The following NREP variants were observed in gnomAD, a reference collection of about 807,000 sequenced individuals.
NREP encodes the protein neuronal regeneration-related protein.
A neutral mutation model predicts 8.6 loss-of-function variants in NREP; 5 were observed. The ratio of observed to expected loss-of-function variants is 0.58; its 90% CI spans 0.30 to 1.22. The LOEUF (loss-of-function observed/expected upper bound fraction) is 1.22, where lower values mean the gene tolerates loss of function less well. Ranked by LOEUF, NREP falls within the 50% of genes most tolerant of loss-of-function variation. NREP has a pLI of 0.07. For synonymous variants in NREP, 27 were observed against 28.0 expected (o/e 0.96, Z 0.11); for missense variants, 86 against 82.5 (o/e 1.04, Z -0.17).
At chr5:111,964,694 G>T (rs75291256) in intron 2 of NREP, among the ~76,000 whole-genome samples, 2,286 of 151,746 alleles carry the variant, frequency 0.015, 64 homozygotes, top group African/African-American at 0.052. Flanking sequence ...TAGACAACTG[G>T]CTGTGTCCAG....
chr5:111,904,621 C>A (rs891075895), intron 2 of NREP, among the ~76,000 whole-genome samples: 13 of 151,946 alleles, frequency 8.6e-5, no homozygotes, highest in African/African-American at 7.3e-5. Context: ...AATCATATTC[C>A]ATTGTATGTG....
At chr5:111,915,465 G>A (rs952526751) in intron 2 of NREP, among the ~76,000 whole-genome samples, 1 of 151,918 alleles carries the variant, frequency 6.6e-6, no homozygotes, top group Non-Finnish European at 1.5e-5. Context: ...TACTACAAGA[G>A]GCAATGACAG....
chr5:111,962,857 C>T (rs116794784), intron 2 of NREP, among the ~76,000 whole-genome samples: 1,972 of 152,298 alleles, frequency 0.013, 22 homozygotes, highest in Non-Finnish European at 0.019. Context: ...GGAAGGTTAT[C>T]TGCCTGTCTC....
chr5:111,845,655 A>G (rs1359045511), intron 2 of NREP, among the ~76,000 whole-genome samples: 1 of 152,170 alleles, frequency 6.6e-6, no homozygotes, highest in Non-Finnish European at 1.5e-5. Context: ...AAGTACTAAT[A>G]TATTTAAATG....
At chr5:111,738,823 A>G (rs556945618) in intron 2 of NREP, 7 of 152,360 alleles carry the variant, frequency 4.6e-5, no homozygotes, top group African/African-American at 1.7e-4. Flanking sequence ...AGAGGCAATT[A>G]AGTTAAAATA....
At chr5:111,769,789 G>A (rs777315889) in intron 2 of NREP, among the ~76,000 whole-genome samples, 2 of 152,150 alleles carry the variant, frequency 1.3e-5, no homozygotes, top group African/African-American at 4.8e-5. Flanking sequence ...CAGATCTTGA[G>A]AGAACTCACT....
chr5:111,921,848 C>T (rs1423697834), intron 2 of NREP, among the ~76,000 whole-genome samples: 1 of 152,112 alleles, frequency 6.6e-6, no homozygotes, highest in East Asian at 1.9e-4. Flanking sequence ...ATTCTCATGA[C>T]AGTGAATAAG....
intron 2 of NREP, among the ~76,000 whole-genome samples, chr5:111,961,362 C>A (rs1756476257): frequency 6.6e-6 from 1 of 152,210 alleles, no homozygotes; most frequent in Non-Finnish European, 1.5e-5. Context: ...ATGCAGTATT[C>A]TTGTCCAAAA....
intron 2 of NREP, among the ~76,000 whole-genome samples, chr5:111,940,378 G>A (rs778886391): frequency 2.0e-5 from 3 of 152,050 alleles, no homozygotes; most frequent in Non-Finnish European, 4.4e-5. Flanking sequence ...AGACAACCAG[G>A]AAGTTGTTGC....
intron 2 of NREP, among the ~76,000 whole-genome samples, chr5:111,819,796 A>G (rs1324112796): frequency 6.6e-6 from 1 of 152,190 alleles, no homozygotes; most frequent in Non-Finnish European, 1.5e-5. Context: ...TATTTAACTC[A>G]TATTTCTCCA....
chr5:111,788,450 G>T (rs1412686348), intron 2 of NREP, among the ~76,000 whole-genome samples: 2 of 152,158 alleles, frequency 1.3e-5, no homozygotes, highest in African/African-American at 4.8e-5. Flanking sequence ...GACACTGTGT[G>T]ATGTAGAAAC....
At chr5:111,919,722 G>A (rs891948304) in intron 2 of NREP, among the ~76,000 whole-genome samples, 1 of 152,020 alleles carries the variant, frequency 6.6e-6, no homozygotes, top group South Asian at 2.1e-4. Flanking sequence ...GGGCCTGTCA[G>A]GGGTTGAGGG....
At chr5:111,867,426 C>T (rs1753693335) in intron 2 of NREP, among the ~76,000 whole-genome samples, 1 of 152,100 alleles carries the variant, frequency 6.6e-6, no homozygotes. Flanking sequence ...CACTTGCTCT[C>T]TCTCCCCCTC....
chr5:111,946,014 C>T (rs1172457821), intron 2 of NREP, among the ~76,000 whole-genome samples: 1 of 151,404 alleles, frequency 6.6e-6, no homozygotes, highest in East Asian at 1.9e-4. Context: ...AGCATGTGAG[C>T]CCTACCTGAC....
intron 2 of NREP, among the ~76,000 whole-genome samples, chr5:111,970,846 A>AAAAG: frequency 2.0e-5 from 3 of 151,088 alleles, no homozygotes; most frequent in East Asian, 1.9e-4. Context: ...AAAAAAAAAA[A>AAAAG]AAAGAAAGAA....
chr5:111,919,124 TGAG>T (rs1755152122), intron 2 of NREP, among the ~76,000 whole-genome samples: 4 of 151,772 alleles, frequency 2.6e-5, no homozygotes, highest in Non-Finnish European at 5.9e-5. Context: ...AAAAAACATA[TGAG>T]AAAAAGATCA....
chr5:111,891,848 T>A (rs112786929), intron 2 of NREP, among the ~76,000 whole-genome samples: 512 of 152,212 alleles, frequency 3.4e-3, no homozygotes, highest in African/African-American at 0.011. Context: ...TCCTGGGAAA[T>A]ACACCATCGT....
intron 3 of NREP, 116 bp downstream of exon 3, chr5:111,735,314 T>G: frequency 1.6e-6 from 1 of 626,276 alleles, no homozygotes; most frequent in Non-Finnish European, 2.8e-6. Context: ...AGTATCAGAT[T>G]AATGGATTGT....
intron 2 of NREP, among the ~76,000 whole-genome samples, chr5:111,913,326 G>A (rs184983009): frequency 1.1e-4 from 17 of 152,096 alleles, no homozygotes; most frequent in Non-Finnish European, 2.2e-4. Context: ...AAATTTTTCA[G>A]GTGTTTTTCA....
Sources: allele counts gnomAD v4.1 joint callset (sites outside exome capture counted in the v4.1 genomes callset), GRCh38; gene constraint gnomAD v4.1.1; transcripts MANE v1.5; gene names NCBI Gene and HGNC (gene_info 2026-07-23, HGNC 2026-07-21).